The following ABCA10 variants were observed in gnomAD, a reference collection of about 807,000 sequenced individuals.
ABCA10 encodes ATP-binding cassette sub-family A member 10.
In ABCA10, 169 loss-of-function variants were observed where a neutral mutation model predicts 187.5. The observed-to-expected ratio is 0.90, with a 90% CI of 0.80 to 1.02. The LOEUF is 1.02. Ranked by LOEUF, ABCA10 falls within the 50% of genes least tolerant of loss-of-function variation. The pLI is 0.00. For synonymous variants in ABCA10, 574 were observed against 601.8 expected (o/e 0.95, Z 0.68); for missense variants, 1,727 against 1,812.4 (o/e 0.95, Z 0.86).
intron 15 of ABCA10, 82 bp from the exon 16 acceptor site, chr17:69,192,735 C>G (rs2074470323): frequency 1.7e-6 from 2 of 1,202,590 alleles, no homozygotes; most frequent in Non-Finnish European, 2.4e-6. Flanking sequence ...TACTAAAACA[C>G]TGAATGAAAT....
intron 22 of ABCA10, among the ~76,000 whole-genome samples, chr17:69,177,442 G>A (rs2074342486): frequency 2.0e-5 from 3 of 151,986 alleles, no homozygotes; most frequent in Admixed American, 6.6e-5. Flanking sequence ...ATATATGGTA[G>A]GAGGATCAGG....
intron 28 of ABCA10, among the ~76,000 whole-genome samples, chr17:69,156,483 A>G (rs2074175410): frequency 6.6e-6 from 1 of 152,304 alleles, no homozygotes; most frequent in Non-Finnish European, 1.5e-5. Flanking sequence ...CAATATGCTT[A>G]GCCAAGTGTT....
intron 18 of ABCA10, 88 bp downstream of exon 18, chr17:69,190,270 C>A (rs1035722271): frequency 1.5e-6 from 2 of 1,377,972 alleles, no homozygotes; most frequent in Non-Finnish European, 1.9e-6. Flanking sequence ...TAGAAATCCA[C>A]ATAAAAATCT....
At chr17:69,215,676 T>C (rs1381361232) in intron 8 of ABCA10, 139 bp downstream of exon 8, 1 of 826,470 alleles carries the variant, frequency 1.2e-6, no homozygotes, top group Non-Finnish European at 1.7e-6. Flanking sequence ...TTTTTTGTTG[T>C]TCTTATTTAG....
At chr17:69,160,746 A>T (rs1175566488) in intron 27 of ABCA10, among the ~76,000 whole-genome samples, 2 of 152,230 alleles carry the variant, frequency 1.3e-5, no homozygotes, top group East Asian at 3.8e-4. Context: ...TAGGATGACT[A>T]CTATATAAAA....
At chr17:69,156,008 T>C in intron 28 of ABCA10, 83 bp from the exon 29 acceptor site, 2 of 1,401,940 alleles carry the variant, frequency 1.4e-6, no homozygotes, top group Non-Finnish European at 1.9e-6. Flanking sequence ...AATTAAATTA[T>C]TATCCTTTTT....
At chr17:69,183,061 G>A (rs115999958) in intron 20 of ABCA10, among the ~76,000 whole-genome samples, 11 of 152,138 alleles carry the variant, frequency 7.2e-5, no homozygotes, top group African/African-American at 2.4e-4. Context: ...ATTCTCACCA[G>A]GTGAAAAGAG....
intron 1 of ABCA10, chr17:69,244,277 C>G (rs1184852110): frequency 6.6e-6 from 1 of 152,024 alleles, no homozygotes; most frequent in African/African-American, 2.4e-5. Flanking sequence ...CACTTGAAAA[C>G]TAGCCTCAGA....
At chr17:69,202,456 G>A (rs761075316) in intron 9 of ABCA10, among the ~76,000 whole-genome samples, 5 of 152,094 alleles carry the variant, frequency 3.3e-5, no homozygotes, top group African/African-American at 4.8e-5. Flanking sequence ...TAAGGTAGAC[G>A]TAAGGCTGGA....
At position 69,154,307 on chromosome 17, in the gene ABCA10, T is replaced by C. The variant is rs764024092; in HGVS notation, c.3714A>G (p.Leu1238=). Residue 1238 remains leucine (L), a synonymous_variant, in exon 31 of 39, where the codon CTA becomes CTG. Transcript: ENST00000690296. ...CVKKGEVLGL[L]GHNGAGKSTS... is the part of the protein sequence containing the mutation. ...TACTTTTACCAGCTCCATTGTGTCC[T>C]AGTAATCCCAAAACTTCACCTGGAA... 1.2e-6 allele frequency: 2 copies of C among 1,604,628 alleles called. No individual in the cohort carries two copies. Among genetic ancestry groups the C allele is most frequent in the East Asian group, 2.2e-5 (1 of 44,770 alleles).
intron 12 of ABCA10, 127 bp downstream of exon 12, chr17:69,194,258 C>G: frequency 1.2e-6 from 1 of 810,450 alleles, no homozygotes. Flanking sequence ...CATATGAAAT[C>G]AATATTTCCT....
chr17:69,154,571 T>C (rs2074159190), intron 30 of ABCA10, among the ~76,000 whole-genome samples: 2 of 152,000 alleles, frequency 1.3e-5, no homozygotes. Flanking sequence ...ACTACATGCA[T>C]GCACCACCAC....
chr17:69,152,341 C>G lies in ABCA10; in HGVS notation c.4256+21G>C, dbSNP rs757155096. On this transcript the variant is annotated intron_variant, in intron 35 of 38. Coordinates refer to ENST00000690296, the MANE Select transcript of ABCA10 (RefSeq NM_001377321.1). ...TCTATAAGAACATGCTAGTCCCATGCTGGTCAGGACAGGCACCCACCTTAG... is the reference window on the plus strand; with the variant it reads ...TCTATAAGAACATGCTAGTCCCATGGTGGTCAGGACAGGCACCCACCTTAG... 26 of 1,606,250 alleles carry G rather than the reference C, an allele frequency of 1.6e-5. 1 individual carries two copies. The South Asian group carries it at 1.9e-4, about 12-fold the overall frequency.
chr17:69,217,353 G>A (rs1414254913), intron 6 of ABCA10, among the ~76,000 whole-genome samples: 2 of 152,202 alleles, frequency 1.3e-5, no homozygotes, highest in Non-Finnish European at 2.9e-5. Context: ...TCTGGAAGTA[G>A]ATGGAAAGGT....
At chr17:69,239,884 T>A (rs373014218) in intron 1 of ABCA10, among the ~76,000 whole-genome samples, 1 of 152,222 alleles carries the variant, frequency 6.6e-6, no homozygotes, top group African/African-American at 2.4e-5. Context: ...CAAACTCATA[T>A]AGTACACCCA....
intron 22 of ABCA10, among the ~76,000 whole-genome samples, chr17:69,177,807 T>A (rs1221031864): frequency 1.3e-5 from 2 of 150,234 alleles, no homozygotes; most frequent in African/African-American, 4.9e-5. Context: ...TACAAAAAAA[T>A]TAGCCGGGTA....
At chr17:69,219,458 TTG>T in intron 6 of ABCA10, 85 bp downstream of exon 6, 1 of 976,090 alleles carries the variant, frequency 1.0e-6, no homozygotes, top group Non-Finnish European at 1.5e-6. Flanking sequence ...GCAAGAAAAC[TTG>T]TGAGTGCGTC....
chr17:69,173,965 T>A (rs1314606498), intron 25 of ABCA10, among the ~76,000 whole-genome samples: 2 of 152,108 alleles, frequency 1.3e-5, no homozygotes, highest in Non-Finnish European at 2.9e-5. Flanking sequence ...TTTCCCACTC[T>A]GTAAAATGAA....
At chr17:69,176,079 G>A (rs1367768983) in intron 22 of ABCA10, among the ~76,000 whole-genome samples, 1 of 152,122 alleles carries the variant, frequency 6.6e-6, no homozygotes. Flanking sequence ...CACTGTGAAG[G>A]GGGACTATTG....
Sources: allele counts gnomAD v4.1 joint callset (sites outside exome capture counted in the v4.1 genomes callset), GRCh38; gene constraint gnomAD v4.1.1; transcripts MANE v1.5; gene names NCBI Gene and HGNC (gene_info 2026-07-23, HGNC 2026-07-21).